MARK4: variants seen among roughly 807,000 people sequenced by gnomAD.
MARK4 encodes the protein microtubule affinity regulating kinase 4.
In MARK4, 19 loss-of-function variants were observed where a neutral mutation model predicts 81.5. The observed-to-expected ratio is 0.23, with a 90% confidence interval of 0.16 to 0.34. The LOEUF (loss-of-function observed/expected upper bound fraction) is 0.34, where lower values mean the gene tolerates loss of function less well. Ranked by LOEUF, MARK4 falls within the 10% of genes least tolerant of loss-of-function variation. The pLI, the probability that MARK4 is intolerant of heterozygous loss-of-function variation, is 1.00. For synonymous variants in MARK4, 436 were observed against 439.0 expected, an observed-to-expected ratio of 0.99 and a Z score of 0.08; for missense variants, 772 against 1,058.8, an observed-to-expected ratio of 0.73 and a Z score of 3.76.
chr19:45,294,398 C>G lies in MARK4; in HGVS notation c.1544C>G (p.Thr515Arg). The change falls in exon 14 of 17, where the codon ACA becomes AGA. Residue 515 changes from threonine (T) to arginine (R), a missense_variant. Around this residue, in one of 3 missense-constraint regions of MARK4, gnomAD observed 548 missense variants for 624.3 expected, o/e 0.88. Coordinates refer to ENST00000262891, the MANE Select transcript of MARK4 (RefSeq NM_001199867.2). The stretch of plus-strand genomic sequence containing the variant: ...ACCCGCAGAAACACCTACGTTTGCA[C>G]AGAACGCCCGGGGGCTGAGCGCCCG... The part of the protein sequence containing the change: ...MMTRRNTYVC[T>R]ERPGAERPSL... The G allele has an allele frequency of 1.2e-6, 2 of 1,614,116 alleles. No homozygotes were observed. Among genetic ancestry groups the G allele is most frequent in the Non-Finnish European group, 1.7e-6 (2 of 1,180,026 alleles).
At position 45,302,782 on chromosome 19, in the gene MARK4, C is replaced by G; in HGVS notation, c.*72C>G. On this transcript the variant is annotated 3_prime_UTR_variant, in exon 17 of 17. Transcript: ENST00000262891. The surrounding 1 kb of genome is among the most constrained non-coding windows in gnomAD (Gnocchi z 4.9). ...TCACTTCTACAGGAGGGGAAGGGGC[C>G]AGGGAGGGGATTCTCCCTTTATCAT... 1.3e-6 allele frequency: 2 copies of G among 1,514,268 alleles called. No individual in the cohort carries two copies. The highest frequency in any genetic ancestry group is 1.8e-6 in the Non-Finnish European group (2 of 1,136,104). The allele number at this position is 1,514,268 out of a possible 1,614,324, so 93.8% of individuals were successfully genotyped here.
Position 45,299,858 on chromosome 19 carries a change from G to T in MARK4, c.1922+3G>T, listed in dbSNP as rs1970944448. 6.2e-7 allele frequency: 1 copy of T among 1,602,678 alleles called. No individual in the cohort carries two copies. Among genetic ancestry groups the T allele is most frequent in the Non-Finnish European group, 8.5e-7 (1 of 1,172,646 alleles). On this transcript the variant is annotated splice_donor_region_variant and intron_variant, in intron 16 of 16. Transcript: ENST00000262891. ...ATCGGGGGACCTGAGGTCACAAGGT[G>T]AGTGCTTGGGCCTACCCCTGACTGC...
chr19:45,278,168 T>C, intron 9 of MARK4, 126 bp downstream of exon 9: 1 of 1,366,820 alleles, frequency 7.3e-7, no homozygotes, highest in East Asian at 2.4e-5. Flanking sequence ...GAAGATCTGC[T>C]GCTGGTGAGT....
At chr19:45,283,686 G>A (rs957102382) in intron 12 of MARK4, among the ~76,000 whole-genome samples, 20 of 152,112 alleles carry the variant, frequency 1.3e-4, no homozygotes, top group Admixed American at 1.0e-3. Flanking sequence ...TCATGAACAC[G>A]TGGATTGCCT....
chr19:45,266,345 C>A (rs1970453226), intron 7 of MARK4, 64 bp downstream of exon 7: 1 of 1,514,578 alleles, frequency 6.6e-7, no homozygotes, highest in Non-Finnish European at 9.2e-7. Flanking sequence ...CTCCCTGCCC[C>A]CACCCCTCCA....
Position 45,259,206 on chromosome 19 carries a change from G to C in MARK4, c.252+17G>C, listed in dbSNP as rs754448246. The stretch of plus-strand genomic sequence containing the variant: ...GGTCGGGAGGTGAGTATGGGCACAG[G>C]GTGGGGCTCGGGGCAGGTCCCTGTG... On this transcript the variant is annotated intron_variant, in intron 2 of 16. Transcript: ENST00000262891. 6.2e-7 allele frequency: 1 copy of C among 1,612,776 alleles called. No homozygotes were observed. The highest frequency in any genetic ancestry group is 1.6e-4 in the Middle Eastern group (1 of 6,062).
intron 1 of MARK4, among the ~76,000 whole-genome samples, chr19:45,255,998 A>G (rs2123022628): frequency 6.6e-6 from 1 of 152,384 alleles, no homozygotes; most frequent in South Asian, 2.1e-4. Flanking sequence ...GGAACAGAAC[A>G]TCAGGAGGAG....
At chr19:45,253,194 C>T (rs545724763) in intron 1 of MARK4, among the ~76,000 whole-genome samples, 9 of 127,066 alleles carry the variant, frequency 7.1e-5, no homozygotes, top group South Asian at 6.9e-4. Context: ...CCCCCCCACA[C>T]ACACACACCA....
rs115324206 is a variant in MARK4, at chr19:45,253,832, G to A, written c.51+2193G>A. Reference sequence around the variant, plus strand: ...AAACTTGGGTTCACATCCTGTTTCTGTCCCTCCCTAGCTGTGTGACCTCGG... The same window carrying A: ...AAACTTGGGTTCACATCCTGTTTCTATCCCTCCCTAGCTGTGTGACCTCGG... On this transcript the variant is annotated intron_variant, in intron 1 of 16. Coordinates refer to ENST00000262891, the MANE Select transcript of MARK4 (RefSeq NM_001199867.2). Among the ~76,000 whole-genome samples the A allele has an allele frequency of 3.4e-3, 520 of 152,246 alleles. 2 individuals carry two copies. The highest frequency in any genetic ancestry group is 0.012 in the African/African-American group (503 of 41,528).
intron 1 of MARK4, among the ~76,000 whole-genome samples, chr19:45,252,457 T>A (rs1284299657): frequency 2.0e-5 from 3 of 151,970 alleles, no homozygotes; most frequent in Non-Finnish European, 4.4e-5. Flanking sequence ...CCGCCCTCTA[T>A]CAACTTCTCA....
intron 13 of MARK4, chr19:45,288,003 C>G: frequency 3.0e-6 from 1 of 328,334 alleles, no homozygotes; most frequent in South Asian, 3.4e-5. Flanking sequence ...TTTTGGGAGG[C>G]CGAGGCGGGA....
Position 45,301,640 on chromosome 19 carries a change from C to T in MARK4, c.1923-734C>T, listed in dbSNP as rs1226900554. On this transcript the variant is annotated intron_variant, in intron 16 of 16. Coordinates refer to ENST00000262891, the MANE Select transcript of MARK4 (RefSeq NM_001199867.2). ...CTTTGGGAGGTCGAGGCGGGCAGAT[C>T]ACAAGGTCAGGAGATCGAGACCATC... is the stretch of plus-strand genomic sequence containing the variant. 2.7e-5 allele frequency among the ~76,000 whole-genome samples: 4 copies of T among 147,180 alleles called. No homozygotes were observed. The East Asian group carries it at 8.0e-4, about 30-fold the overall frequency.
chr19:45,295,407 C>T (rs62120862), intron 14 of MARK4, among the ~76,000 whole-genome samples: 29,004 of 151,852 alleles, frequency 0.19, 3,235 homozygotes, highest in Non-Finnish European at 0.27. Context: ...GAGTTCGAAT[C>T]TTACCTCTGT....
chr19:45,291,892 CT>C (rs1970825442), intron 13 of MARK4, among the ~76,000 whole-genome samples: 1 of 152,242 alleles, frequency 6.6e-6, no homozygotes, highest in Non-Finnish European at 1.5e-5. Context: ...ACAATAGGCA[CT>C]GGGGCCCTGC....
Position 45,304,884 on chromosome 19 carries a change from T to G in MARK4, c.*2174T>G, listed in dbSNP as rs344797. 0.7 allele frequency: 107,084 copies of G among 152,246 alleles called. 38,947 individuals are homozygous for G. The highest frequency in any genetic ancestry group is 0.81 in the African/African-American group (33,613 of 41,480). The allele number at this position is 152,246 out of a possible 1,614,324, so 9.4% of individuals were successfully genotyped here. Reference sequence around the variant, plus strand: ...GTCCTCAACAAATGGCATGTGACTTTGTAAGTGTAGAATTGCTGTGAGGTA... The same window carrying G: ...GTCCTCAACAAATGGCATGTGACTTGGTAAGTGTAGAATTGCTGTGAGGTA... On this transcript the variant is annotated 3_prime_UTR_variant, in exon 17 of 17. Transcript: ENST00000262891.
At chr19:45,282,083 C>T (rs925252766) in intron 12 of MARK4, among the ~76,000 whole-genome samples, 3 of 151,746 alleles carry the variant, frequency 2.0e-5, no homozygotes, top group Non-Finnish European at 2.9e-5. Flanking sequence ...ATTAGCTGGG[C>T]GTGTTGGTGC....
intron 12 of MARK4, among the ~76,000 whole-genome samples, chr19:45,284,873 C>T (rs991243240): frequency 6.6e-6 from 1 of 152,168 alleles, no homozygotes; most frequent in Admixed American, 6.5e-5. Flanking sequence ...GGTGGATCAC[C>T]TGAGGTCAGC....
At chr19:45,289,631 G>A (rs1046193057) in intron 13 of MARK4, among the ~76,000 whole-genome samples, 5 of 151,178 alleles carry the variant, frequency 3.3e-5, no homozygotes, top group South Asian at 2.1e-4. Flanking sequence ...TTAGCCAGGC[G>A]TGGTGGTGCA....
intron 7 of MARK4, among the ~76,000 whole-genome samples, chr19:45,268,583 CAA>C (rs1252401187): frequency 1.7e-4 from 18 of 107,994 alleles, no homozygotes; most frequent in Admixed American, 2.0e-4. Context: ...GACTCCATCT[CAA>C]AAAAAAAAAA....
Sources: allele counts gnomAD v4.1 joint callset (sites outside exome capture counted in the v4.1 genomes callset), GRCh38; gene constraint gnomAD v4.1.1; regional missense constraint gnomAD v4.1.1; non-coding constraint Gnocchi (gnomAD v3.1); transcripts MANE v1.5; gene names NCBI Gene and HGNC (gene_info 2026-07-23, HGNC 2026-07-21).